Variants in ABCA13 observed in about 807,000 individuals in gnomAD.
ABCA13 encodes the protein ATP binding cassette subfamily A member 13, also known as ATP-binding cassette sub-family A member 13.
A neutral mutation model predicts 478.7 loss-of-function variants in ABCA13; 476 were observed. That is an observed-to-expected ratio of 0.99 (90% CI 0.92 to 1.07). The LOEUF (loss-of-function observed/expected upper bound fraction) is 1.07. Ranked by LOEUF, ABCA13 falls within the 50% of genes least tolerant of loss-of-function variation. ABCA13 has a pLI of 0.00. For synonymous variants in ABCA13, 2,252 were observed against 2,158.9 expected, an observed-to-expected ratio of 1.04 and a Z score of -1.20; for missense variants, 6,060 against 5,910.6, an observed-to-expected ratio of 1.03 and a Z score of -0.83.
chr7:48,519,628 A>G (rs760677474), intron 52 of ABCA13, among the ~76,000 whole-genome samples: 1 of 152,142 alleles, frequency 6.6e-6, no homozygotes, highest in Non-Finnish European at 1.5e-5. Context: ...TCTTTGTATA[A>G]TTATCATTTT....
chr7:48,498,292 C>T (rs1036831964), intron 48 of ABCA13, among the ~76,000 whole-genome samples: 1 of 152,114 alleles, frequency 6.6e-6, no homozygotes, highest in Non-Finnish European at 1.5e-5. Flanking sequence ...CCACTCTTTT[C>T]CGGGTCCTTG....
At chr7:48,508,161 A>G in intron 50 of ABCA13, 112 bp downstream of exon 50, 1 of 1,286,644 alleles carries the variant, frequency 7.8e-7, no homozygotes, top group Non-Finnish European at 1.1e-6. Context: ...AGTGTCCACA[A>G]AAAGGGGTCA....
At chr7:48,197,686 C>T (rs1798119977) in intron 2 of ABCA13, among the ~76,000 whole-genome samples, 1 of 150,484 alleles carries the variant, frequency 6.6e-6, no homozygotes, top group East Asian at 1.9e-4. Context: ...GTAAACAGCA[C>T]ATTATCCATA....
chr7:48,335,395 CATATCCAA>C lies in ABCA13; in HGVS notation c.10000-22_10000-15del, dbSNP rs1474716540. ...CTTAATATAACAGCTGAATAAGAGA[CATATCCAA>C]ATATGCTTCATTTTGCAGGCTAATT... On this transcript the variant is annotated intron_variant, in intron 27 of 61. Coordinates refer to ENST00000435803, the MANE Select transcript of ABCA13 (RefSeq NM_152701.5). 1 of 1,492,030 alleles carries C rather than the reference CATATCCAA, an allele frequency of 6.7e-7. No individual in the cohort carries two copies. The highest frequency in any genetic ancestry group is 9.3e-7 in the Non-Finnish European group (1 of 1,077,690). The allele number at this position is 1,492,030 out of a possible 1,614,324, so 92.4% of individuals were successfully genotyped here.
intron 55 of ABCA13, among the ~76,000 whole-genome samples, chr7:48,578,245 T>A (rs1788378330): frequency 6.6e-6 from 1 of 152,126 alleles, no homozygotes; most frequent in Non-Finnish European, 1.5e-5. Flanking sequence ...AAAAGGGAGT[T>A]AAAATCACAC....
chr7:48,194,339 T>C (rs555716850), intron 2 of ABCA13, among the ~76,000 whole-genome samples: 2 of 150,894 alleles, frequency 1.3e-5, no homozygotes, highest in Non-Finnish European at 3.0e-5. Flanking sequence ...ATAATGATGA[T>C]GGTAATGATT....
chr7:48,295,998 C>A, intron 21 of ABCA13, 135 bp downstream of exon 21: 2 of 1,149,108 alleles, frequency 1.7e-6, no homozygotes, highest in Non-Finnish European at 1.1e-6. Flanking sequence ...TATATATTTT[C>A]CAAACATCAA....
intron 31 of ABCA13, among the ~76,000 whole-genome samples, chr7:48,359,827 A>G (rs1469146334): frequency 6.6e-6 from 1 of 152,048 alleles, no homozygotes; most frequent in African/African-American, 2.4e-5. Flanking sequence ...CAACACGCCC[A>G]TGACTTTTCT....
rs189969712 is a variant in ABCA13 at position 48,272,835 on chromosome 7, G to A, written c.3169G>A (p.Val1057Met). The A allele has an allele frequency of 2.5e-6, 4 of 1,607,168 alleles. No homozygotes were observed. The African/African-American group carries it at 4.0e-5, about 16-fold the overall frequency. ...GTCTACAGAGGGCCAAGAACTGGAA[G>A]TGATCCACACTACTTTGACAGGCCT... ...FMSTEGQELE[V>M]IHTTLTGLKQ... The change falls in exon 17 of 62, where the codon GTG (valine) becomes ATG (methionine). Residue 1057 changes from valine (V) to methionine (M), a missense_variant. By Grantham distance (21) the Val-to-Met change is conservative. Coordinates refer to ENST00000435803, the MANE Select transcript of ABCA13 (RefSeq NM_152701.5).
intron 42 of ABCA13, among the ~76,000 whole-genome samples, chr7:48,429,184 C>A (rs1821812981): frequency 6.6e-6 from 1 of 152,164 alleles, no homozygotes; most frequent in Non-Finnish European, 1.5e-5. Context: ...TTTGTCCATT[C>A]ACCAGTTGAT....
rs1344848138 is a variant in ABCA13, at chr7:48,392,095, G to GAA, written c.11829_11830insAA (p.Ala3944LysfsTer23). 6.2e-6 allele frequency: 10 copies of GAA among 1,613,842 alleles called. No homozygotes were observed. The highest frequency in any genetic ancestry group is 8.5e-6 in the Non-Finnish European group (10 of 1,179,884). ...ATTTGCTGCTCTTTGCTTCCATAAA[G>GAA]GCGCCTCAGTGGACCAAGAAGGAGC... On this transcript the variant is annotated frameshift_variant, in exon 38 of 62. Transcript: ENST00000435803. LOFTEE classifies it high-confidence loss of function.
chr7:48,260,539 G>A (rs1794031578), intron 15 of ABCA13, among the ~76,000 whole-genome samples: 1 of 151,936 alleles, frequency 6.6e-6, no homozygotes, highest in African/African-American at 2.4e-5. Context: ...ATTTTGTGGG[G>A]AATCAGGATC....
chr7:48,201,898 G>A (rs1322574886), intron 3 of ABCA13, among the ~76,000 whole-genome samples: 2 of 152,034 alleles, frequency 1.3e-5, no homozygotes, highest in Non-Finnish European at 2.9e-5. Flanking sequence ...GGACGTGTCC[G>A]GAGTTTCTTC....
intron 43 of ABCA13, among the ~76,000 whole-genome samples, chr7:48,455,570 C>A (rs1210707701): frequency 1.3e-5 from 2 of 152,208 alleles, no homozygotes; most frequent in African/African-American, 4.8e-5. Context: ...CGCAAGCTGT[C>A]ACCCGCCGAC....
At chr7:48,464,583 TTAATG>T (rs1826662293) in intron 43 of ABCA13, among the ~76,000 whole-genome samples, 1 of 152,224 alleles carries the variant, frequency 6.6e-6, no homozygotes, top group African/African-American at 2.4e-5. Flanking sequence ...TAATACTAAT[TTAATG>T]TAATGAGTTG....
intron 38 of ABCA13, among the ~76,000 whole-genome samples, chr7:48,394,381 C>A (rs192731845): frequency 1.3e-5 from 2 of 152,266 alleles, no homozygotes; most frequent in Admixed American, 6.5e-5. Flanking sequence ...TCGCTGCGTT[C>A]GTGTTGTGAT....
intron 58 of ABCA13, among the ~76,000 whole-genome samples, chr7:48,606,065 G>A (rs1791433554): frequency 6.6e-6 from 1 of 152,096 alleles, no homozygotes; most frequent in African/African-American, 2.4e-5. Flanking sequence ...GCTCCATCAG[G>A]TCATTTATAT....
At chr7:48,419,106 C>G (rs73101571) in intron 41 of ABCA13, among the ~76,000 whole-genome samples, 2 of 151,918 alleles carry the variant, frequency 1.3e-5, no homozygotes, top group African/African-American at 4.8e-5. Flanking sequence ...CTCACTCACT[C>G]GCTATACACT....
intron 48 of ABCA13, among the ~76,000 whole-genome samples, chr7:48,493,164 T>C (rs954666134): frequency 6.6e-6 from 1 of 152,226 alleles, no homozygotes; most frequent in Non-Finnish European, 1.5e-5. Context: ...GGAAGGTGTT[T>C]ATACTACTGA....
Sources: allele counts gnomAD v4.1 joint callset (sites outside exome capture counted in the v4.1 genomes callset), GRCh38; gene constraint gnomAD v4.1.1; transcripts MANE v1.5; gene names NCBI Gene and HGNC (gene_info 2026-07-23, HGNC 2026-07-21).